Variants in KCNK12 observed in about 807,000 individuals in gnomAD.
KCNK12 encodes the protein potassium two pore domain channel subfamily K member 12.
Under a neutral mutation model 25.3 loss-of-function variants are expected in KCNK12, and 6 were observed. The ratio of observed to expected loss-of-function variants is 0.24; its 90% CI spans 0.13 to 0.47. The LOEUF (loss-of-function observed/expected upper bound fraction) is 0.47. Among genes scored for constraint, KCNK12 ranks in the 20% least tolerant of loss-of-function variants. The probability of loss-of-function intolerance (pLI) is 0.99; values close to 1 mark genes in which losing one functional copy is unlikely to be tolerated. For synonymous variants in KCNK12, 331 were observed against 311.1 expected (o/e 1.06, Z -0.67); for missense variants, 444 against 661.7 (o/e 0.67, Z 3.61).
Position 47,557,549 on chromosome 2 carries a change from A to C in KCNK12, c.391+12392T>G, listed in dbSNP as rs1281684087. ...CAGGGCCCCCAGCATTCTCTCCCTA[A>C]CCACTACATTGTACTGCAAATTGTC... is the stretch of plus-strand genomic sequence containing the variant. On this transcript the variant is annotated intron_variant, in intron 1 of 1. Coordinates refer to ENST00000327876, the MANE Select transcript of KCNK12 (RefSeq NM_022055.2). The surrounding 1 kb of genome is among the most constrained non-coding windows in gnomAD (Gnocchi z 4.9). Among the ~76,000 whole-genome samples, 1 of 152,076 alleles carries C rather than the reference A, an allele frequency of 6.6e-6. No individual in the cohort carries two copies. The highest frequency in any genetic ancestry group is 1.5e-5 in the Non-Finnish European group (1 of 68,016).
In KCNK12 at chr2:47,555,906, A is replaced by G. The variant is rs1669541285; in HGVS notation, c.391+14035T>C. On this transcript the variant is annotated intron_variant, in intron 1 of 1. Coordinates refer to ENST00000327876, the MANE Select transcript of KCNK12 (RefSeq NM_022055.2). The surrounding 1 kb of genome is among the most constrained non-coding windows in gnomAD (Gnocchi z 4.5). ...CAAGAGAAAAGAGGAGTTTGAGGATAAATGGTCAGCCATGTCAAATGTTGC... is the reference window on the plus strand; with the variant it reads ...CAAGAGAAAAGAGGAGTTTGAGGATGAATGGTCAGCCATGTCAAATGTTGC... 6.6e-6 allele frequency: 1 copy of G among 152,256 alleles called. No individual in the cohort carries two copies. The highest frequency in any genetic ancestry group is 2.1e-4 in the South Asian group (1 of 4,830). 9.4% of individuals were successfully genotyped at this position (152,256 alleles called of 1,614,324 possible).
chr2:47,521,492 G>C lies in KCNK12; in HGVS notation c.708C>G (p.Thr236=). 1.2e-6 allele frequency: 2 copies of C among 1,603,386 alleles called. No individual in the cohort carries two copies. Among genetic ancestry groups the C allele is most frequent in the Non-Finnish European group, 1.7e-6 (2 of 1,175,164 alleles). The part of the protein sequence containing the change: ...LLSCCASAMY[T]SVEGWDYVDS... ...CCACGTAGTCCCAGCCCTCCACGCT[G>C]GTGTACATGGCCGAGGCGCAGCAGG... is the stretch of plus-strand genomic sequence containing the variant. The change falls in exon 2 of 2, where the codon ACC becomes ACG. Residue 236 remains threonine, a synonymous_variant. Transcript: ENST00000327876.
intron 1 of KCNK12, among the ~76,000 whole-genome samples, chr2:47,535,351 T>G (rs1396935128): frequency 6.6e-6 from 1 of 152,302 alleles, no homozygotes; most frequent in African/African-American, 2.4e-5. Context: ...GGTCTCTCTC[T>G]CTTTTCATCC....
chr2:47,532,386 G>A (rs561231191), intron 1 of KCNK12, among the ~76,000 whole-genome samples: 1 of 151,976 alleles, frequency 6.6e-6, no homozygotes, highest in Non-Finnish European at 1.5e-5. Flanking sequence ...CTTTGAGACA[G>A]GATCTTGCTC....
chr2:47,557,669 C>T lies in KCNK12; in HGVS notation c.391+12272G>A, dbSNP rs1669577405. Among the ~76,000 whole-genome samples the T allele has an allele frequency of 6.6e-6, 1 of 152,152 alleles. No individual in the cohort carries two copies. The highest frequency in any genetic ancestry group is 2.4e-5 in the African/African-American group (1 of 41,416). ...ATGCACATCAAGGAGCTTTGTAAGG[C>T]AATTTCCGTATGTTAGGCATACAAT... On this transcript the variant is annotated intron_variant, in intron 1 of 1. Transcript: ENST00000327876. This position sits in a 1 kb window ranked among gnomAD's most constrained non-coding sequence, Gnocchi z 4.9.
chr2:47,535,429 G>T (rs1025440606), intron 1 of KCNK12, among the ~76,000 whole-genome samples: 1 of 151,604 alleles, frequency 6.6e-6, no homozygotes, highest in Non-Finnish European at 1.5e-5. Flanking sequence ...TGCGGCTGAG[G>T]GGTAAGGTGC....
rs189464619 is a variant in KCNK12, at chr2:47,514,695, C to T, written c.*6212G>A. Among the ~76,000 whole-genome samples, 369 of 151,484 alleles carry T rather than the reference C, an allele frequency of 2.4e-3. 1 individual carries two copies. The highest frequency in any genetic ancestry group is 3.6e-3 in the Non-Finnish European group (247 of 67,902). On this transcript the variant is annotated 3_prime_UTR_variant, in exon 2 of 2. Coordinates refer to ENST00000327876, the MANE Select transcript of KCNK12 (RefSeq NM_022055.2). This position sits in a 1 kb window ranked among gnomAD's most constrained non-coding sequence, Gnocchi z 5.0. ...GCATGATCATGGCTCAATGAAACATCGACTTCCTGGGCTCAGGCGATCCTC... is the reference window on the plus strand; with the variant it reads ...GCATGATCATGGCTCAATGAAACATTGACTTCCTGGGCTCAGGCGATCCTC...
chr2:47,529,875 T>G lies in KCNK12; in HGVS notation c.392-8067A>C, dbSNP rs915819254. On this transcript the variant is annotated intron_variant, in intron 1 of 1. Coordinates refer to ENST00000327876, the MANE Select transcript of KCNK12 (RefSeq NM_022055.2). This position sits in a 1 kb window ranked among gnomAD's most constrained non-coding sequence, Gnocchi z 4.3. Reference sequence around the variant, plus strand: ...AAATCATTTTTTAAGTATAAGTATGTCCCAAATATTGCATAGGACATACTT... The same window carrying G: ...AAATCATTTTTTAAGTATAAGTATGGCCCAAATATTGCATAGGACATACTT... Among the ~76,000 whole-genome samples the G allele has an allele frequency of 1.3e-5, 2 of 152,206 alleles. No homozygotes were observed. The highest frequency in any genetic ancestry group is 2.9e-5 in the Non-Finnish European group (2 of 68,030).
chr2:47,552,171 G>A (rs1446027459), intron 1 of KCNK12, among the ~76,000 whole-genome samples: 1 of 152,232 alleles, frequency 6.6e-6, no homozygotes, highest in Non-Finnish European at 1.5e-5. Flanking sequence ...GTAGATGGAA[G>A]TGAAGGGGAC....
intron 1 of KCNK12, among the ~76,000 whole-genome samples, chr2:47,543,129 A>G (rs1669237606): frequency 6.6e-6 from 1 of 152,074 alleles, no homozygotes; most frequent in South Asian, 2.1e-4. Flanking sequence ...ACTTTAATTT[A>G]CTTGAGCAGA....
rs62140878 is a variant in KCNK12, at chr2:47,537,120, C to T, written c.392-15312G>A. Among the ~76,000 whole-genome samples the T allele has an allele frequency of 4.5e-3, 685 of 152,352 alleles. 2 individuals carry two copies. Among genetic ancestry groups the T allele is most frequent in the Middle Eastern group, 0.01 (3 of 294 alleles). On this transcript the variant is annotated intron_variant, in intron 1 of 1. Coordinates refer to ENST00000327876, the MANE Select transcript of KCNK12 (RefSeq NM_022055.2). The stretch of plus-strand genomic sequence containing the variant: ...CCACTGTGAGTGCCAGGCCAGCTCT[C>T]GGCGCTCAGGGGCTGCCTTCATCTT...
intron 1 of KCNK12, among the ~76,000 whole-genome samples, chr2:47,539,771 G>C (rs1669154219): frequency 6.6e-6 from 1 of 152,226 alleles, no homozygotes; most frequent in African/African-American, 2.4e-5. Context: ...AACGGACGCA[G>C]GTAGGGGTGG....
Position 47,524,469 on chromosome 2 carries a change from G to A in KCNK12, c.392-2661C>T, listed in dbSNP as rs556372029. ...AGCTGGACACAAAATAATACATTCT[G>A]CATTATTCCATTAACATAAAATTCA... is the stretch of plus-strand genomic sequence containing the variant. On this transcript the variant is annotated intron_variant, in intron 1 of 1. Transcript: ENST00000327876. 2.6e-5 allele frequency among the ~76,000 whole-genome samples: 4 copies of A among 152,310 alleles called. No individual in the cohort carries two copies. The East Asian group carries it at 7.7e-4, about 29-fold the overall frequency.
chr2:47,556,779 G>A lies in KCNK12; in HGVS notation c.391+13162C>T, dbSNP rs757284595. Among the ~76,000 whole-genome samples the A allele has an allele frequency of 3.3e-5, 5 of 152,200 alleles. No individual in the cohort carries two copies. The highest frequency in any genetic ancestry group is 7.3e-5 in the Non-Finnish European group (5 of 68,046). ...GAGTGGGAGTGTAAAGGACCTGTAG[G>A]TCTTACAGCCAAAGGATTATGATCT... On this transcript the variant is annotated intron_variant, in intron 1 of 1. Coordinates refer to ENST00000327876, the MANE Select transcript of KCNK12 (RefSeq NM_022055.2). This position sits in a 1 kb window ranked among gnomAD's most constrained non-coding sequence, Gnocchi z 4.8.
At position 47,557,381 on chromosome 2, in the gene KCNK12, T is replaced by G. The variant is rs1669571213; in HGVS notation, c.391+12560A>C. On this transcript the variant is annotated intron_variant, in intron 1 of 1. Transcript: ENST00000327876. The surrounding 1 kb of genome is among the most constrained non-coding windows in gnomAD (Gnocchi z 4.9). ...ACTCTTGCCAGATGCCAGAGCCCTC[T>G]ATCATAAACTTCCCAGCCTCCAGAA... Among the ~76,000 whole-genome samples, 2 of 152,182 alleles carry G rather than the reference T, an allele frequency of 1.3e-5. No individual in the cohort carries two copies. The highest frequency in any genetic ancestry group is 2.9e-5 in the Non-Finnish European group (2 of 68,030).
chr2:47,528,949 A>G lies in KCNK12; in HGVS notation c.392-7141T>C, dbSNP rs1668857713. ...CCAGCCACCCTGTGAGGGAGGCACT[A>G]TTACGCCCAAAAATGCAGGCAAGGA... On this transcript the variant is annotated intron_variant, in intron 1 of 1. Coordinates refer to ENST00000327876, the MANE Select transcript of KCNK12 (RefSeq NM_022055.2). This position sits in a 1 kb window ranked among gnomAD's most constrained non-coding sequence, Gnocchi z 4.5. 1 of 152,344 alleles carries G rather than the reference A, an allele frequency of 6.6e-6. No homozygotes were observed. The highest frequency in any genetic ancestry group is 2.1e-4 in the South Asian group (1 of 4,836). 9.4% of individuals were successfully genotyped at this position (152,344 alleles called of 1,614,324 possible). A position where few individuals can be genotyped will look rare whatever the true frequency, so the allele number is the denominator to read the frequency against.
In KCNK12 at chr2:47,512,153, G is replaced by A; in HGVS notation, c.*8754C>T. On this transcript the variant is annotated 3_prime_UTR_variant, in exon 2 of 2. Transcript: ENST00000327876. ...CTTTCCATCCTGCATCCAGATGGCT[G>A]GTCCTGCTCCTCCCAGTCCATGGAG... 1 of 928,556 alleles carries A rather than the reference G, an allele frequency of 1.1e-6. No homozygotes were observed. Among genetic ancestry groups the A allele is most frequent in the Non-Finnish European group, 1.6e-6 (1 of 640,200 alleles). The allele number at this position is 928,556 out of a possible 1,614,324, so 57.5% of individuals were successfully genotyped here. A position where few individuals can be genotyped will look rare whatever the true frequency, so the allele number is the denominator to read the frequency against.
rs1401045314 is a variant in KCNK12, at chr2:47,562,050, C to G, written c.391+7891G>C. 7.5e-6 allele frequency: 3 copies of G among 398,502 alleles called. No individual in the cohort carries two copies. Among genetic ancestry groups the G allele is most frequent in the Non-Finnish European group, 1.3e-5 (3 of 226,072 alleles). The allele number at this position is 398,502 out of a possible 1,614,324, so 24.7% of individuals were successfully genotyped here. On this transcript the variant is annotated intron_variant, in intron 1 of 1. Coordinates refer to ENST00000327876, the MANE Select transcript of KCNK12 (RefSeq NM_022055.2). The surrounding 1 kb of genome is among the most constrained non-coding windows in gnomAD (Gnocchi z 4.8). ...AGTTAGTGGCAGAGCCAGGTCTAGA[C>G]TCCTAGTGCCTGACTCACCGCTGTT...
Position 47,511,755 on chromosome 2 carries a change from C to T in KCNK12, c.*9152G>A, listed in dbSNP as rs571303447. Among the ~76,000 whole-genome samples, 47 of 152,284 alleles carry T rather than the reference C, an allele frequency of 3.1e-4. No homozygotes were observed. Among genetic ancestry groups the T allele is most frequent in the African/African-American group, 1.0e-3 (43 of 41,548 alleles). Reference sequence around the variant, plus strand: ...AAGGATGCCCTGGAATTCAGGCTTTCGGATCCCAGAGCTCTCATTAGAGCA... The same window carrying T: ...AAGGATGCCCTGGAATTCAGGCTTTTGGATCCCAGAGCTCTCATTAGAGCA... On this transcript the variant is annotated 3_prime_UTR_variant, in exon 2 of 2. Coordinates refer to ENST00000327876, the MANE Select transcript of KCNK12 (RefSeq NM_022055.2). This position sits in a 1 kb window ranked among gnomAD's most constrained non-coding sequence, Gnocchi z 4.3.
Sources: gnomAD v4.1 joint callset for allele counts (sites outside exome capture counted in the v4.1 genomes callset) on GRCh38, gnomAD v4.1.1 for gene constraint, Gnocchi (gnomAD v3.1) non-coding constraint, MANE v1.5 for transcripts, NCBI Gene and HGNC (gene_info 2026-07-23, HGNC 2026-07-21) for gene names.